Variants in GALK2 observed in about 807,000 individuals in gnomAD.
GALK2 encodes the protein N-acetylgalactosamine kinase.
Under a neutral mutation model 52.4 loss-of-function variants are expected in GALK2, and 36 were observed. That is an observed-to-expected ratio of 0.69 (90% confidence interval 0.53 to 0.91). The LOEUF is 0.91. GALK2 is among the 40% of genes least tolerant of loss of function. GALK2 has a pLI of 0.00. For synonymous variants in GALK2, 176 were observed against 199.1 expected (o/e 0.88, Z 0.98); for missense variants, 579 against 559.1 (o/e 1.04, Z -0.36).
intron 2 of GALK2, among the ~76,000 whole-genome samples, chr15:49,209,378 G>A (rs1689844654): frequency 1.3e-5 from 2 of 152,148 alleles, no homozygotes; most frequent in Non-Finnish European, 1.5e-5. Flanking sequence ...TTGAATAAGA[G>A]TGGTGAAATT....
chr15:49,178,673 C>T (rs3098614), intron 1 of GALK2: 63,479 of 217,508 alleles, frequency 0.29, 10,008 homozygotes, highest in Admixed American at 0.44. Context: ...AGGGACTCTC[C>T]GAAGAAAGTG....
chr15:49,337,356 G>T (rs531651638), intron 3 of GALK2, among the ~76,000 whole-genome samples: 1 of 151,894 alleles, frequency 6.6e-6, no homozygotes, highest in East Asian at 1.9e-4. Flanking sequence ...AGCATCTATT[G>T]TTTTTTGACT....
In GALK2 at chr15:49,228,894, C is replaced by CA. The variant is rs2090346380; in HGVS notation, c.267-6956dup. 4.0e-5 allele frequency among the ~76,000 whole-genome samples: 6 copies of CA among 151,028 alleles called. No homozygotes were observed. The South Asian group carries it at 1.3e-3, about 32-fold the overall frequency. On this transcript the variant is annotated intron_variant, in intron 3 of 9. Coordinates refer to ENST00000560031, the MANE Select transcript of GALK2 (RefSeq NM_002044.4). ...ATTTTTAGTAGAGATGGTGTTTCAC[C>CA]ATGTTGGATGGGCTGGTCTCAAACT...
At chr15:49,187,698 G>A (rs2086459474) in intron 1 of GALK2, among the ~76,000 whole-genome samples, 2 of 152,036 alleles carry the variant, frequency 1.3e-5, no homozygotes, top group Admixed American at 1.3e-4. Context: ...TTTCCCTGTA[G>A]CCACCTCCCC....
intron 3 of GALK2, among the ~76,000 whole-genome samples, chr15:49,228,682 T>TATATATATATATATATATAC (rs1555409030): frequency 6.9e-5 from 1 of 14,558 alleles, no homozygotes; most frequent in African/African-American, 2.9e-4. Context: ...TATATATATA[T>TATATATATATATATATATAC]ATATATTTTT....
chr15:49,278,994 T>A (rs576893357), intron 5 of GALK2, among the ~76,000 whole-genome samples: 1 of 152,184 alleles, frequency 6.6e-6, no homozygotes, highest in African/African-American at 2.4e-5. Context: ...CAGACACTTA[T>A]AAAATCATCA....
chr15:49,342,043 T>C (rs1178071128), intron 3 of GALK2, among the ~76,000 whole-genome samples: 2 of 152,252 alleles, frequency 1.3e-5, no homozygotes, highest in Non-Finnish European at 2.9e-5. Context: ...GTATCTCTTA[T>C]GTCCTATTGG....
intron 5 of GALK2, among the ~76,000 whole-genome samples, chr15:49,251,822 C>A (rs2091614621): frequency 6.6e-6 from 1 of 152,096 alleles, no homozygotes; most frequent in Non-Finnish European, 1.5e-5. Context: ...ACTTCCTAAA[C>A]ATAAAAAATA....
chr15:49,314,538 T>C (rs1483890970), intron 8 of GALK2, among the ~76,000 whole-genome samples: 1 of 152,258 alleles, frequency 6.6e-6, no homozygotes, highest in African/African-American at 2.4e-5. Context: ...TAGCCTAGTT[T>C]CAGTGCAGTT....
At chr15:49,344,844 C>T (rs898142484) in intron 3 of GALK2, among the ~76,000 whole-genome samples, 6 of 152,130 alleles carry the variant, frequency 3.9e-5, no homozygotes, top group Admixed American at 3.3e-4. Flanking sequence ...TTTTAATGCC[C>T]GTCTTACTCC....
intron 1 of GALK2, among the ~76,000 whole-genome samples, chr15:49,176,696 A>T (rs187218501): frequency 2.3e-3 from 354 of 152,272 alleles, no homozygotes; most frequent in Non-Finnish European, 4.4e-3. Flanking sequence ...GCTTGGTCAC[A>T]TAGGTTATTT....
chr15:49,271,337 C>T (rs2030570336), intron 5 of GALK2, among the ~76,000 whole-genome samples: 1 of 151,990 alleles, frequency 6.6e-6, no homozygotes, highest in Non-Finnish European at 1.5e-5. Flanking sequence ...GTAGTAGTTA[C>T]TTTGGTATGT....
intron 5 of GALK2, among the ~76,000 whole-genome samples, chr15:49,269,808 C>T (rs1417981022): frequency 1.3e-5 from 2 of 152,188 alleles, no homozygotes; most frequent in East Asian, 3.9e-4. Flanking sequence ...CATTCTTGGA[C>T]CACTCTAATC....
At chr15:49,197,814 G>A (rs2087373737) in intron 1 of GALK2, among the ~76,000 whole-genome samples, 1 of 151,800 alleles carries the variant, frequency 6.6e-6, no homozygotes, top group East Asian at 1.9e-4. Context: ...AATTTCTGTG[G>A]TATTTAAGAA....
chr15:49,207,167 C>G (rs958362017), intron 2 of GALK2, among the ~76,000 whole-genome samples: 18 of 152,170 alleles, frequency 1.2e-4, no homozygotes, highest in Non-Finnish European at 2.2e-4. Context: ...TAAACCATCC[C>G]TGCATCCCTG....
intron 3 of GALK2, chr15:49,365,815 A>G (rs780655776): frequency 3.0e-5 from 26 of 867,152 alleles, no homozygotes; most frequent in Non-Finnish European, 4.8e-5. Context: ...AGAGAGAAAC[A>G]TAAGTCTCAC....
chr15:49,359,828 T>G (rs1281287073), intron 3 of GALK2, among the ~76,000 whole-genome samples: 1 of 138,484 alleles, frequency 7.2e-6, no homozygotes, highest in African/African-American at 2.7e-5. Context: ...AGCAAAGACT[T>G]GGAACCAACC....
intron 5 of GALK2, among the ~76,000 whole-genome samples, chr15:49,266,081 C>G (rs751875083): frequency 6.6e-6 from 1 of 152,128 alleles, no homozygotes; most frequent in African/African-American, 2.4e-5. Flanking sequence ...AGCTGCTGGT[C>G]AAGTTGGCAC....
chr15:49,365,421 A>G (rs1179981131), intron 3 of GALK2: 3 of 986,182 alleles, frequency 3.0e-6, no homozygotes, highest in African/African-American at 3.2e-5. Flanking sequence ...CTTCTACAGT[A>G]CGCAAGCAAC....
Sources: gnomAD v4.1 joint callset for allele counts (sites outside exome capture counted in the v4.1 genomes callset) on GRCh38, gnomAD v4.1.1 for gene constraint, MANE v1.5 for transcripts, NCBI Gene and HGNC (gene_info 2026-07-23, HGNC 2026-07-21) for gene names.